The following ERO1B variants were observed in gnomAD, a reference collection of about 807,000 sequenced individuals.
ERO1B encodes the protein ERO1-like protein beta.
ERO1B carries 49 observed loss-of-function variants against 75.3 expected under a neutral mutation model. The observed-to-expected ratio is 0.65, with a 90% CI of 0.52 to 0.83. The LOEUF (loss-of-function observed/expected upper bound fraction) is 0.83, where lower values mean the gene tolerates loss of function less well. ERO1B is among the 40% of genes least tolerant of loss of function. The probability of loss-of-function intolerance (pLI) is 0.00; values close to 1 mark genes in which losing one functional copy is unlikely to be tolerated. For missense variants in ERO1B, 512 were observed against 560.1 expected (o/e 0.91, Z 0.87); for synonymous variants, 191 against 192.9 (o/e 0.99, Z 0.08).
intron 13 of ERO1B, among the ~76,000 whole-genome samples, chr1:236,224,057 G>T (rs1297984821): frequency 6.6e-6 from 1 of 152,058 alleles, no homozygotes; most frequent in African/African-American, 2.4e-5. Flanking sequence ...TACATGTACT[G>T]TATATTATGA....
intron 2 of ERO1B, among the ~76,000 whole-genome samples, chr1:236,254,345 AC>A (rs1344754697): frequency 1.2e-4 from 19 of 152,134 alleles, no homozygotes; most frequent in African/African-American, 4.6e-4. Context: ...TCTTGCCTAC[AC>A]TATTGCAATA....
Position 236,218,304 on chromosome 1 carries a change from T to G in ERO1B, c.*212A>C. 1 of 281,402 alleles carries G rather than the reference T, an allele frequency of 3.6e-6. No individual in the cohort carries two copies. The highest frequency in any genetic ancestry group is 6.2e-6 in the Non-Finnish European group (1 of 160,344). The allele number at this position is 281,402 out of a possible 1,614,324, so 17.4% of individuals were successfully genotyped here. ...AAATTAAACACAAAATTAGTATAAC[T>G]TACATGTTTTAAAAGTATATACTTC... On this transcript the variant is annotated 3_prime_UTR_variant, in exon 16 of 16. Coordinates refer to ENST00000354619, the MANE Select transcript of ERO1B (RefSeq NM_019891.4).
rs967908186 is a variant in ERO1B, at chr1:236,217,029, T to TA, written c.*1486dup. On this transcript the variant is annotated 3_prime_UTR_variant, in exon 16 of 16. Coordinates refer to ENST00000354619, the MANE Select transcript of ERO1B (RefSeq NM_019891.4). ...AAAATAAATAACTCTGAGACCTTAA[T>TA]ACCCCCACCACATCCCACCAAGAGA... 1 of 152,012 alleles carries TA rather than the reference T, an allele frequency of 6.6e-6. No individual in the cohort carries two copies. Among genetic ancestry groups the TA allele is most frequent in the Non-Finnish European group, 1.5e-5 (1 of 67,944 alleles). 9.4% of individuals were successfully genotyped at this position (152,012 alleles called of 1,614,324 possible).
chr1:236,249,228 G>A (rs993086607), intron 5 of ERO1B, among the ~76,000 whole-genome samples: 4 of 152,052 alleles, frequency 2.6e-5, no homozygotes, highest in Non-Finnish European at 5.9e-5. Flanking sequence ...GTTTCACCAT[G>A]TTGGCCAGGC....
At position 236,222,987 on chromosome 1, in the gene ERO1B, G is replaced by T. The variant is rs1261804028; in HGVS notation, c.1123-977C>A. Among the ~76,000 whole-genome samples the T allele has an allele frequency of 2.0e-5, 3 of 152,036 alleles. No homozygotes were observed. The East Asian group carries it at 5.8e-4, about 29-fold the overall frequency. On this transcript the variant is annotated intron_variant, in intron 13 of 15. Coordinates refer to ENST00000354619, the MANE Select transcript of ERO1B (RefSeq NM_019891.4). Reference sequence around the variant, plus strand: ...TTGGGAGACCAAGGTGTGATCACTTGAGGTCATAAGTTTGAGACCAGCCTA... The same window carrying T: ...TTGGGAGACCAAGGTGTGATCACTTTAGGTCATAAGTTTGAGACCAGCCTA...
At chr1:236,255,210 A>G (rs1665133846) in intron 2 of ERO1B, among the ~76,000 whole-genome samples, 1 of 151,700 alleles carries the variant, frequency 6.6e-6, no homozygotes, top group African/African-American at 2.4e-5. Context: ...TTAAGATTAT[A>G]GGTGTGAGCC....
At chr1:236,246,192 G>A (rs1664882636) in intron 5 of ERO1B, among the ~76,000 whole-genome samples, 2 of 151,890 alleles carry the variant, frequency 1.3e-5, no homozygotes, top group South Asian at 4.2e-4. Context: ...CACAGATAGT[G>A]TCTCACTTTG....
Position 236,225,245 on chromosome 1 carries a change from A to G in ERO1B, c.1053-106T>C, listed in dbSNP as rs1664251723. On this transcript the variant is annotated intron_variant, in intron 12 of 15. Coordinates refer to ENST00000354619, the MANE Select transcript of ERO1B (RefSeq NM_019891.4). The stretch of plus-strand genomic sequence containing the variant: ...TCCTTATGAATATTTAAAATTCATT[A>G]TTTACTCCGATGTAAGTTTTGGTAA... 7.8e-6 allele frequency: 8 copies of G among 1,027,834 alleles called. No individual in the cohort carries two copies. In the South Asian group the frequency reaches 1.2e-4, roughly 15 times the overall value. 63.7% of individuals were successfully genotyped at this position (1,027,834 alleles called of 1,614,324 possible). A position where few individuals can be genotyped will look rare whatever the true frequency, so the allele number is the denominator to read the frequency against.
At chr1:236,228,709 C>T (rs557921877) in intron 10 of ERO1B, among the ~76,000 whole-genome samples, 3 of 152,110 alleles carry the variant, frequency 2.0e-5, no homozygotes, top group East Asian at 1.9e-4. Flanking sequence ...TCCAAAGGAA[C>T]CTTTACAGGA....
chr1:236,268,902 G>T (rs925379724), intron 2 of ERO1B, among the ~76,000 whole-genome samples: 3 of 151,052 alleles, frequency 2.0e-5, no homozygotes, highest in Non-Finnish European at 2.9e-5. Context: ...AAAAATAAAA[G>T]CAAAAACAAA....
intron 2 of ERO1B, among the ~76,000 whole-genome samples, chr1:236,265,154 T>C (rs1665406545): frequency 6.6e-6 from 1 of 152,140 alleles, no homozygotes; most frequent in Non-Finnish European, 1.5e-5. Context: ...TGGGTATCCT[T>C]GTCTTGGTTC....
rs1663960634 is a variant in ERO1B at position 236,215,917 on chromosome 1, T to C, written c.*2599A>G. The C allele has an allele frequency of 7.2e-6, 1 of 138,322 alleles. No individual in the cohort carries two copies. The highest frequency in any genetic ancestry group is 1.6e-5 in the Non-Finnish European group (1 of 63,002). The allele number at this position is 138,322 out of a possible 1,614,324, so 8.6% of individuals were successfully genotyped here. Reference sequence around the variant, plus strand: ...TTGAAAAACATGGCAGAGTTTCATATACATACAGAGATTACAAATATCGAA... The same window carrying C: ...TTGAAAAACATGGCAGAGTTTCATACACATACAGAGATTACAAATATCGAA... On this transcript the variant is annotated 3_prime_UTR_variant, in exon 16 of 16. Transcript: ENST00000354619.
At chr1:236,254,636 A>T (rs1463436876) in intron 2 of ERO1B, among the ~76,000 whole-genome samples, 1 of 151,820 alleles carries the variant, frequency 6.6e-6, no homozygotes, top group Non-Finnish European at 1.5e-5. Flanking sequence ...TTTTTGAGAC[A>T]GAGTCTCACT....
At chr1:236,263,363 C>A (rs1278795184) in intron 2 of ERO1B, among the ~76,000 whole-genome samples, 1 of 152,074 alleles carries the variant, frequency 6.6e-6, no homozygotes, top group Non-Finnish European at 1.5e-5. Context: ...ATTCTCCCAC[C>A]TCAGCCTCCC....
intron 8 of ERO1B, 84 bp downstream of exon 8, chr1:236,235,705 G>T: frequency 1.7e-6 from 2 of 1,198,750 alleles, no homozygotes; most frequent in South Asian, 1.4e-5. Context: ...ATATAAAAAT[G>T]AAAGTTTTTT....
At chr1:236,269,414 G>A (rs1182390565) in intron 2 of ERO1B, among the ~76,000 whole-genome samples, 4 of 152,102 alleles carry the variant, frequency 2.6e-5, no homozygotes, top group Non-Finnish European at 5.9e-5. Flanking sequence ...AACCAATTCT[G>A]GAGCATCACT....
chr1:236,215,341 GT>G lies in ERO1B; in HGVS notation c.*3174del, dbSNP rs1663942821. The stretch of plus-strand genomic sequence containing the variant: ...GAGAAGTAATTGTACCTACCTACTA[GT>G]GCTATTGTGAAGATTAACGGTGTAT... On this transcript the variant is annotated 3_prime_UTR_variant, in exon 16 of 16. Transcript: ENST00000354619. Among the ~76,000 whole-genome samples the G allele has an allele frequency of 6.6e-6, 1 of 152,094 alleles. No individual in the cohort carries two copies. The highest frequency in any genetic ancestry group is 2.4e-5 in the African/African-American group (1 of 41,404).
intron 1 of ERO1B, among the ~76,000 whole-genome samples, chr1:236,281,297 G>A (rs1411853733): frequency 2.0e-5 from 3 of 152,104 alleles, no homozygotes; most frequent in Non-Finnish European, 4.4e-5. Context: ...ACTCCTGAAG[G>A]GAAGGACGTC....
At chr1:236,237,116 CTTTTTTTT>C (rs67072171) in intron 6 of ERO1B, among the ~76,000 whole-genome samples, 2 of 105,482 alleles carry the variant, frequency 1.9e-5, no homozygotes, top group South Asian at 3.1e-4. Context: ...ACTATTTGGA[CTTTTTTTT>C]TTTTTTTTTT....
Sources: allele counts gnomAD v4.1 joint callset (sites outside exome capture counted in the v4.1 genomes callset), GRCh38; gene constraint gnomAD v4.1.1; transcripts MANE v1.5; gene names NCBI Gene and HGNC (gene_info 2026-07-23, HGNC 2026-07-21).